Variants in ZBTB21 observed in about 807,000 individuals in gnomAD.
ZBTB21 encodes zinc finger and BTB domain containing 21.
ZBTB21 carries 10 observed loss-of-function variants against 39.8 expected under a neutral mutation model. The observed-to-expected ratio is 0.25, with a 90% CI of 0.16 to 0.43. ZBTB21 has a LOEUF of 0.43. ZBTB21 is among the 20% of genes least tolerant of loss of function. ZBTB21 has a pLI of 1.00. For synonymous variants in ZBTB21, 551 were observed against 498.8 expected (o/e 1.10, Z -1.40); for missense variants, 1,221 against 1,296.3 (o/e 0.94, Z 0.89).
chr21:41,996,069 C>T lies in ZBTB21; in HGVS notation c.-13-1961G>A, dbSNP rs539796419. Among the ~76,000 whole-genome samples the T allele has an allele frequency of 2.6e-5, 4 of 152,278 alleles. No individual in the cohort carries two copies. In the South Asian group the frequency reaches 8.3e-4, roughly 32 times the overall value. ...TGTCCCCTCCATGAGGGGCAGGGCCCCATGGAGAAACTTCTGCTAGGGCAA... is the reference window on the plus strand; with the variant it reads ...TGTCCCCTCCATGAGGGGCAGGGCCTCATGGAGAAACTTCTGCTAGGGCAA... On this transcript the variant is annotated intron_variant, in intron 2 of 2. Transcript: ENST00000310826.
chr21:42,008,656 A>AT, intron 1 of ZBTB21, among the ~76,000 whole-genome samples: 1 of 152,092 alleles, frequency 6.6e-6, no homozygotes, highest in South Asian at 2.1e-4. Flanking sequence ...GTTATTTACA[A>AT]TTTTTCCTTC....
At chr21:41,995,297 A>G (rs992394336) in intron 2 of ZBTB21, among the ~76,000 whole-genome samples, 4 of 152,250 alleles carry the variant, frequency 2.6e-5, no homozygotes, top group Middle Eastern at 3.2e-3. Context: ...CATAATGCCA[A>G]TAATGATACA....
At position 41,992,831 on chromosome 21, in the gene ZBTB21, G is replaced by A. The variant is rs1453816344; in HGVS notation, c.1265C>T (p.Ser422Phe). The A allele has an allele frequency of 1.2e-6, 2 of 1,614,046 alleles. No individual in the cohort carries two copies. The highest frequency in any genetic ancestry group is 1.3e-5 in the African/African-American group (1 of 74,918). Residue 422 changes from serine to phenylalanine, a missense_variant, in exon 3 of 3, where the codon TCC becomes TTC. Ser to Phe is a radical substitution (Grantham distance 155, BLOSUM62 -2). Around this residue, in one of 4 missense-constraint regions of ZBTB21, gnomAD observed 500 missense variants for 465.6 expected, o/e 1.07. Coordinates refer to ENST00000310826, the MANE Select transcript of ZBTB21 (RefSeq NM_001098402.2). This position sits in a 1 kb window ranked among gnomAD's most constrained non-coding sequence, Gnocchi z 4.1. Reference sequence around the variant, plus strand: ...CTTTATGCGCACCTCAGTCACAGGGGAAGCTCCCTCCCTGTCTGTTGACTG... The same window carrying A: ...CTTTATGCGCACCTCAGTCACAGGGAAAGCTCCCTCCCTGTCTGTTGACTG... Reference protein sequence around the residue: ...ASQSTDREGASPVTEVRIKTE... With the variant: ...ASQSTDREGAFPVTEVRIKTE...
At position 41,991,129 on chromosome 21, in the gene ZBTB21, C is replaced by T. The variant is rs753436128; in HGVS notation, c.2967G>A (p.Pro989=). ...TNSPSPPPLP[P]PPPLPKIQPL... is the part of the protein sequence containing the mutation. ...GCTGGATCTTGGGCAGTGGTGGTGG[C>T]GGTGGCAGAGGTGGTGGAGAGGGAG... The change falls in exon 3 of 3, where the codon CCG becomes CCA. Residue 989 remains proline, a synonymous_variant. Transcript: ENST00000310826. This position sits in a 1 kb window ranked among gnomAD's most constrained non-coding sequence, Gnocchi z 4.9. 20 of 1,613,326 alleles carry T rather than the reference C, an allele frequency of 1.2e-5. No homozygotes were observed. The highest frequency in any genetic ancestry group is 7.7e-5 in the South Asian group (7 of 90,956).
intron 1 of ZBTB21, among the ~76,000 whole-genome samples, chr21:42,005,586 T>C (rs2065869314): frequency 6.6e-6 from 1 of 152,218 alleles, no homozygotes; most frequent in Admixed American, 6.5e-5. Flanking sequence ...TCTGTTCTTG[T>C]TATTAAAGAA....
chr21:41,993,820 TAGAG>T lies in ZBTB21; in HGVS notation c.272_275del (p.Ser91TyrfsTer23). ...CAGCAAGGCTGCTCTTCTCAACAAATAGAGAGGAAGAATAAATGTAGTTTAAAAC... is the reference window on the plus strand; with the variant it reads ...CAGCAAGGCTGCTCTTCTCAACAAATAGGAAGAATAAATGTAGTTTAAAAC... On this transcript the variant is annotated frameshift_variant, in exon 3 of 3. Coordinates refer to ENST00000310826, the MANE Select transcript of ZBTB21 (RefSeq NM_001098402.2). LOFTEE classifies it low-confidence loss of function (END_TRUNC). 7 of 1,614,178 alleles carry T rather than the reference TAGAG, an allele frequency of 4.3e-6. No homozygotes were observed. Among genetic ancestry groups the T allele is most frequent in the Non-Finnish European group, 5.9e-6 (7 of 1,180,028 alleles).
intron 2 of ZBTB21, among the ~76,000 whole-genome samples, chr21:41,995,928 G>A (rs945732332): frequency 6.6e-6 from 1 of 152,244 alleles, no homozygotes; most frequent in Admixed American, 6.5e-5. Context: ...CTTCCATGTG[G>A]TGTTAAGCCT....
In ZBTB21 at chr21:41,990,153, C is replaced by G. The variant is rs753435940; in HGVS notation, c.*742G>C. ...CAAGTTTTTATAACAATGTCTATCA[C>G]TACTGAAGCCCTTATAAACTGACTG... On this transcript the variant is annotated 3_prime_UTR_variant, in exon 3 of 3. Coordinates refer to ENST00000310826, the MANE Select transcript of ZBTB21 (RefSeq NM_001098402.2). 9 of 152,418 alleles carry G rather than the reference C, an allele frequency of 5.9e-5. No homozygotes were observed. The highest frequency in any genetic ancestry group is 1.2e-4 in the Non-Finnish European group (8 of 68,018). The allele number at this position is 152,418 out of a possible 1,614,324, so 9.4% of individuals were successfully genotyped here.
chr21:41,988,573 T>G lies in ZBTB21; in HGVS notation c.*2322A>C, dbSNP rs1006224275. 1 of 152,138 alleles carries G rather than the reference T, an allele frequency of 6.6e-6. No individual in the cohort carries two copies. Among genetic ancestry groups the G allele is most frequent in the Non-Finnish European group, 1.5e-5 (1 of 67,988 alleles). The allele number at this position is 152,138 out of a possible 1,614,324, so 9.4% of individuals were successfully genotyped here. A position where few individuals can be genotyped will look rare whatever the true frequency, so the allele number is the denominator to read the frequency against. ...TTTTTTGACCACCAAAATAAACTCT[T>G]TCAGCCTAATGCTTTTAAAGTACAG... On this transcript the variant is annotated 3_prime_UTR_variant, in exon 3 of 3. Transcript: ENST00000310826.
chr21:41,994,208 T>C (rs1347460035), intron 2 of ZBTB21, 100 bp from the exon 3 acceptor site: 14 of 992,440 alleles, frequency 1.4e-5, no homozygotes, highest in Non-Finnish European at 1.8e-5. Flanking sequence ...TAGGTACCAA[T>C]ATTTAGCAGA....
At chr21:42,010,048 G>A (rs1354956651) in intron 1 of ZBTB21, among the ~76,000 whole-genome samples, 1 of 152,270 alleles carries the variant, frequency 6.6e-6, no homozygotes, top group Non-Finnish European at 1.5e-5. Context: ...AATCGGCTAC[G>A]TGGGAACCCG....
At chr21:42,009,285 T>G (rs951553399) in intron 1 of ZBTB21, 2 of 152,234 alleles carry the variant, frequency 1.3e-5, no homozygotes, top group Non-Finnish European at 2.9e-5. Flanking sequence ...TGGGACCGCA[T>G]AGCAACCGGG....
intron 2 of ZBTB21, among the ~76,000 whole-genome samples, chr21:41,995,629 A>C (rs2065736031): frequency 6.6e-6 from 1 of 152,270 alleles, no homozygotes; most frequent in Admixed American, 6.5e-5. Context: ...GAAGAAATTC[A>C]AACTGGCTGC....
intron 2 of ZBTB21, among the ~76,000 whole-genome samples, chr21:41,996,562 G>A (rs991192138): frequency 4.6e-5 from 7 of 152,184 alleles, no homozygotes; most frequent in South Asian, 4.1e-4. Flanking sequence ...GCTCATAGGC[G>A]GAAGGGATTT....
intron 2 of ZBTB21, among the ~76,000 whole-genome samples, chr21:41,995,857 A>G (rs183778073): frequency 6.6e-5 from 10 of 152,346 alleles, no homozygotes; most frequent in Non-Finnish European, 1.0e-4. Flanking sequence ...CCATGGCTGA[A>G]AGGGGCCAAG....
intron 1 of ZBTB21, among the ~76,000 whole-genome samples, chr21:42,008,536 C>CT (rs1408292075): frequency 3.0e-5 from 2 of 65,884 alleles, no homozygotes; most frequent in Non-Finnish European, 5.3e-5. Context: ...GAGTGAAACT[C>CT]TGTCAAAAAA....
chr21:41,992,556 C>A lies in ZBTB21; in HGVS notation c.1540G>T (p.Gly514Cys). ...GCATCAAGGAGAGTAGGGCTTGAGC[C>A]TTCCTCAAAATTATCTTCTGACACA... ...SPVSEDNFEEGSSPTLLDADF... is the reference protein window; with the variant it reads ...SPVSEDNFEECSSPTLLDADF... The change falls in exon 3 of 3, where the codon GGC becomes TGC. Residue 514 changes from glycine (G) to cysteine (C), a missense_variant. Gly to Cys is a radical substitution (Grantham distance 159). Coordinates refer to ENST00000310826, the MANE Select transcript of ZBTB21 (RefSeq NM_001098402.2). The surrounding 1 kb of genome is among the most constrained non-coding windows in gnomAD (Gnocchi z 4.1). The A allele has an allele frequency of 3.7e-6, 6 of 1,614,194 alleles. No individual in the cohort carries two copies. The highest frequency in any genetic ancestry group is 5.1e-6 in the Non-Finnish European group (6 of 1,180,038).
At chr21:42,006,967 T>G (rs989380335) in intron 1 of ZBTB21, among the ~76,000 whole-genome samples, 2 of 152,222 alleles carry the variant, frequency 1.3e-5, no homozygotes, top group Non-Finnish European at 2.9e-5. Context: ...CTTTCAGAAC[T>G]GTGGGAAAAG....
rs779631015 is a variant in ZBTB21 at position 41,990,983 on chromosome 21, G to C, written c.3113C>G (p.Thr1038Arg). The C allele has an allele frequency of 1.3e-6, 2 of 1,536,466 alleles. No individual in the cohort carries two copies. The highest frequency in any genetic ancestry group is 1.7e-6 in the Non-Finnish European group (2 of 1,144,484). ...TTTACACATAAACTGTCTTTTAAAT[G>C]TGATTGCTGAAAGGGGTGGGGCATG... is the stretch of plus-strand genomic sequence containing the variant. ...FYHAPPLSAI[T>R]FKRQFMCKLC... Residue 1038 changes from threonine to arginine, a missense_variant, in exon 3 of 3, where the codon ACA (threonine) becomes AGA (arginine). Transcript: ENST00000310826.
Sources: allele counts gnomAD v4.1 joint callset (sites outside exome capture counted in the v4.1 genomes callset), GRCh38; gene constraint gnomAD v4.1.1; regional missense constraint gnomAD v4.1.1; non-coding constraint Gnocchi (gnomAD v3.1); transcripts MANE v1.5; gene names NCBI Gene and HGNC (gene_info 2026-07-23, HGNC 2026-07-21).